The following MYO3A variants were observed in gnomAD, a reference collection of about 807,000 sequenced individuals.
MYO3A encodes myosin IIIA, also known as myosin-IIIa.
MYO3A carries 180 observed loss-of-function variants against 192.7 expected under a neutral mutation model. That is an observed-to-expected ratio of 0.93 (90% CI 0.83 to 1.06). The LOEUF is 1.06. MYO3A is among the 50% of genes least tolerant of loss of function. The pLI is 0.00. For synonymous variants in MYO3A, 628 were observed against 645.3 expected (o/e 0.97, Z 0.41); for missense variants, 1,896 against 1,905.0 (o/e 1.00, Z 0.09).
intron 19 of MYO3A, among the ~76,000 whole-genome samples, chr10:26,128,034 T>C (rs1839314302): frequency 1.3e-5 from 2 of 152,156 alleles, no homozygotes; most frequent in Non-Finnish European, 2.9e-5. Context: ...TTTTATTGAA[T>C]ATGTTTTTGC....
At chr10:26,100,035 T>C (rs964159837) in intron 17 of MYO3A, among the ~76,000 whole-genome samples, 4 of 152,236 alleles carry the variant, frequency 2.6e-5, no homozygotes, top group Non-Finnish European at 5.9e-5. Context: ...TGAATCCATC[T>C]GGTCCTGGAC....
intron 15 of MYO3A, among the ~76,000 whole-genome samples, chr10:26,093,271 A>G (rs1588941610): frequency 6.6e-6 from 1 of 152,222 alleles, no homozygotes; most frequent in African/African-American, 2.4e-5. Context: ...AACTGATACA[A>G]TGTACATGAG....
chr10:26,135,966 CA>C (rs55885370), intron 20 of MYO3A, among the ~76,000 whole-genome samples: 2,080 of 100,188 alleles, frequency 0.021, 18 homozygotes, highest in Middle Eastern at 0.03. Context: ...AACTCCATCT[CA>C]AAAAAAAAAA....
In MYO3A at chr10:26,096,566, A is replaced by G. The variant is rs1190696593; in HGVS notation, c.1662-2A>G. 1.3e-6 allele frequency: 2 copies of G among 1,591,396 alleles called. No homozygotes were observed. The highest frequency in any genetic ancestry group is 2.2e-5 in the East Asian group (1 of 44,674). ...TTATCCTTCCTTTTATATTTTTTTT[A>G]GGTACCTACAAAATGACCACCTCAG... On this transcript the variant is annotated splice_acceptor_variant, in intron 16 of 34. Transcript: ENST00000642920. LOFTEE classifies it high-confidence loss of function.
intron 3 of MYO3A, among the ~76,000 whole-genome samples, chr10:25,954,389 C>G (rs868644133): frequency 6.6e-6 from 1 of 152,100 alleles, no homozygotes; most frequent in Middle Eastern, 3.4e-3. Flanking sequence ...TCTTTTATAA[C>G]TTAACTCTAT....
intron 17 of MYO3A, among the ~76,000 whole-genome samples, chr10:26,117,612 C>T (rs772860228): frequency 1.3e-5 from 2 of 152,074 alleles, no homozygotes; most frequent in Non-Finnish European, 1.5e-5. Flanking sequence ...TCTGTTCCTG[C>T]GCTATTTTGC....
chr10:26,044,967 A>G (rs912426772), intron 10 of MYO3A, among the ~76,000 whole-genome samples: 7 of 152,246 alleles, frequency 4.6e-5, no homozygotes, highest in Admixed American at 4.6e-4. Context: ...CAGGCTGTCC[A>G]GCACAGCAGC....
At chr10:26,148,641 A>G (rs889618051) in intron 23 of MYO3A, among the ~76,000 whole-genome samples, 3 of 152,180 alleles carry the variant, frequency 2.0e-5, no homozygotes, top group Non-Finnish European at 4.4e-5. Flanking sequence ...ATAGCTCTCC[A>G]TTTATTTAAG....
chr10:26,173,559 C>T (rs1842159461), intron 29 of MYO3A, 104 bp from the exon 30 acceptor site: 11 of 1,032,578 alleles, frequency 1.1e-5, no homozygotes, highest in Admixed American at 2.5e-5. Context: ...TTTCTTTGTT[C>T]CTTTTGCCTT....
Position 26,174,421 on chromosome 10 carries a change from T to C in MYO3A, c.4157T>C (p.Val1386Ala). Reference sequence around the variant, plus strand: ...AGGATTGTCACAACACCAACAGAAGTAGCAAGAAACACTCATAATTTGTAT... The same window carrying C: ...AGGATTGTCACAACACCAACAGAAGCAGCAAGAAACACTCATAATTTGTAT... ...HQRIVTTPTE[V>A]ARNTHNLYSY... Residue 1386 changes from valine (V) to alanine (A), a missense_variant, in exon 30 of 35, where the codon GTA becomes GCA. Coordinates refer to ENST00000642920, the MANE Select transcript of MYO3A (RefSeq NM_017433.5). 6.2e-7 allele frequency: 1 copy of C among 1,614,116 alleles called. No individual in the cohort carries two copies.
intron 19 of MYO3A, 110 bp downstream of exon 19, chr10:26,125,718 T>A: frequency 1.1e-6 from 1 of 929,348 alleles, no homozygotes; most frequent in Non-Finnish European, 1.7e-6. Context: ...ATAATTGATG[T>A]AATTAAATTA....
intron 8 of MYO3A, chr10:26,022,353 A>G (rs1842349521): frequency 6.6e-6 from 1 of 152,166 alleles, no homozygotes; most frequent in Admixed American, 6.5e-5. Context: ...TAAAGGTGTT[A>G]TTTTTAAATA....
chr10:26,070,263 A>G (rs1291272138), intron 13 of MYO3A, 48 bp downstream of exon 13: 4 of 1,564,186 alleles, frequency 2.6e-6, no homozygotes, highest in African/African-American at 1.4e-5. Context: ...AGTTACTTAA[A>G]TGTCACTTAA....
At chr10:26,156,891 C>CT (rs1293279822) in intron 25 of MYO3A, among the ~76,000 whole-genome samples, 1 of 152,086 alleles carries the variant, frequency 6.6e-6, no homozygotes, top group African/African-American at 2.4e-5. Flanking sequence ...AAAGTATTCC[C>CT]TTTTTTACCA....
chr10:26,054,794 A>G (rs928841791), intron 10 of MYO3A, among the ~76,000 whole-genome samples: 1 of 152,248 alleles, frequency 6.6e-6, no homozygotes, highest in Non-Finnish European at 1.5e-5. Context: ...AGGCAAAGCA[A>G]TGATTCTCCC....
At chr10:26,127,187 A>T (rs1839266619) in intron 19 of MYO3A, among the ~76,000 whole-genome samples, 1 of 152,184 alleles carries the variant, frequency 6.6e-6, no homozygotes, top group Non-Finnish European at 1.5e-5. Context: ...ATATTTCTAT[A>T]TGCCCACGAA....
chr10:26,036,927 A>G (rs973637066), intron 10 of MYO3A, among the ~76,000 whole-genome samples: 18 of 152,220 alleles, frequency 1.2e-4, no homozygotes, highest in African/African-American at 4.3e-4. Flanking sequence ...AGTTACAAGT[A>G]TGTGTTTACA....
intron 22 of MYO3A, among the ~76,000 whole-genome samples, chr10:26,145,818 A>C (rs898898443): frequency 3.9e-5 from 6 of 152,224 alleles, no homozygotes; most frequent in African/African-American, 1.2e-4. Context: ...AACAATCATA[A>C]GTTTATAGTT....
chr10:26,110,967 C>G (rs1482012390), intron 17 of MYO3A, among the ~76,000 whole-genome samples: 1 of 150,148 alleles, frequency 6.7e-6, no homozygotes, highest in African/African-American at 2.5e-5. Context: ...TGAGCTCAAT[C>G]TGTCCTCCCA....
Sources: gnomAD v4.1 joint callset for allele counts (sites outside exome capture counted in the v4.1 genomes callset) on GRCh38, gnomAD v4.1.1 for gene constraint, MANE v1.5 for transcripts, NCBI Gene and HGNC (gene_info 2026-07-23, HGNC 2026-07-21) for gene names.